The following HTR5A variants were observed in gnomAD, a reference collection of about 807,000 sequenced individuals.
The protein encoded by HTR5A is 5-hydroxytryptamine receptor 5A.
A neutral mutation model predicts 24.3 loss-of-function variants in HTR5A; 21 were observed. That is an observed-to-expected ratio of 0.86 (90% CI 0.61 to 1.24). The LOEUF is 1.24. Among genes scored for constraint, HTR5A ranks in the 50% most tolerant of loss-of-function variants. The pLI is 0.00. For synonymous variants in HTR5A, 260 were observed against 213.7 expected (o/e 1.22, Z -1.89); for missense variants, 497 against 489.5 (o/e 1.02, Z -0.15).
Position 155,084,247 on chromosome 7 carries a change from G to A in HTR5A, c.834G>A (p.Gln278=). 2 of 1,614,200 alleles carry A rather than the reference G, an allele frequency of 1.2e-6. No individual in the cohort carries two copies. The highest frequency in any genetic ancestry group is 1.7e-6 in the Non-Finnish European group (2 of 1,180,030). The change falls in exon 2 of 2, where the codon CAG becomes CAA. Residue 278 remains glutamine (Q), a synonymous_variant. Transcript: ENST00000287907. ...CAGAAGGGGACACGTGGCGGGAGCAGAAGGAGCAGCGGGCCGCCCTCATGG... is the reference window on the plus strand; with the variant it reads ...CAGAAGGGGACACGTGGCGGGAGCAAAAGGAGCAGCGGGCCGCCCTCATGG... ...FQPEGDTWRE[Q]KEQRAALMVG...
rs1563417742 is a variant in HTR5A, at chr7:155,071,088, G to A, written c.189G>A (p.Ala63=). The change falls in exon 1 of 2, where the codon GCG becomes GCA. Residue 63 remains alanine, a synonymous_variant. Transcript: ENST00000287907. ...ATFAWNLLVL[A]TILRVRTFHR... is the part of the protein sequence containing the mutation. ...TCGCCTGGAACCTGCTGGTGCTGGC[G>A]ACCATCCTCCGTGTACGCACCTTCC... 19 of 1,608,056 alleles carry A rather than the reference G, an allele frequency of 1.2e-5. No homozygotes were observed. The highest frequency in any genetic ancestry group is 1.6e-4 in the Middle Eastern group (1 of 6,062).
intron 1 of HTR5A, among the ~76,000 whole-genome samples, chr7:155,079,818 A>G (rs1027591619): frequency 2.6e-5 from 4 of 152,202 alleles, no homozygotes; most frequent in African/African-American, 9.7e-5. Flanking sequence ...AAACAGATGG[A>G]GAAGGGGACA....
intron 1 of HTR5A, among the ~76,000 whole-genome samples, chr7:155,082,910 T>C (rs1372861433): frequency 6.6e-6 from 1 of 152,234 alleles, no homozygotes; most frequent in African/African-American, 2.4e-5. Flanking sequence ...TGGACTATTA[T>C]GGACCATTGG....
At chr7:155,078,751 C>CTTTTTTTTTTT (rs67688182) in intron 1 of HTR5A, among the ~76,000 whole-genome samples, 83 of 139,200 alleles carry the variant, frequency 6.0e-4, no homozygotes, top group Middle Eastern at 3.8e-3. Context: ...TTCTGTGCTT[C>CTTTTTTTTTTT]TTTTTTTTTT....
chr7:155,070,707 C>G lies in HTR5A; in HGVS notation c.-193C>G. On this transcript the variant is annotated 5_prime_UTR_variant, in exon 1 of 2. Coordinates refer to ENST00000287907, the MANE Select transcript of HTR5A (RefSeq NM_024012.4). ...GCCTCTGAGGGCTTCAGACCTGCCGCGCTTGCAGCCACACCATCTCCAACG... is the reference window on the plus strand; with the variant it reads ...GCCTCTGAGGGCTTCAGACCTGCCGGGCTTGCAGCCACACCATCTCCAACG... 1.6e-6 allele frequency: 1 copy of G among 636,394 alleles called. No homozygotes were observed. Among genetic ancestry groups the G allele is most frequent in the Non-Finnish European group, 2.7e-6 (1 of 366,076 alleles). 39.4% of individuals were successfully genotyped at this position (636,394 alleles called of 1,614,324 possible). A position where few individuals can be genotyped will look rare whatever the true frequency, so the allele number is the denominator to read the frequency against.
At chr7:155,078,160 A>T (rs1415197239) in intron 1 of HTR5A, among the ~76,000 whole-genome samples, 1 of 152,232 alleles carries the variant, frequency 6.6e-6, no homozygotes, top group Non-Finnish European at 1.5e-5. Flanking sequence ...CTTTGAGAAC[A>T]GAGGCCCTTT....
chr7:155,086,874 C>T lies in HTR5A; in HGVS notation c.*2387C>T, dbSNP rs1452385087. On this transcript the variant is annotated 3_prime_UTR_variant, in exon 2 of 2. Coordinates refer to ENST00000287907, the MANE Select transcript of HTR5A (RefSeq NM_024012.4). ...TATGAATCATAAACAGAAGTAATTGCTCAAAATAACTAATTGTGTTCCCGT... is the reference window on the plus strand; with the variant it reads ...TATGAATCATAAACAGAAGTAATTGTTCAAAATAACTAATTGTGTTCCCGT... Among the ~76,000 whole-genome samples, 2 of 152,102 alleles carry T rather than the reference C, an allele frequency of 1.3e-5. No homozygotes were observed. Among genetic ancestry groups the T allele is most frequent in the African/African-American group, 4.8e-5 (2 of 41,408 alleles).
chr7:155,074,855 A>G (rs1161628952), intron 1 of HTR5A: 2 of 152,178 alleles, frequency 1.3e-5, no homozygotes, highest in Non-Finnish European at 2.9e-5. Flanking sequence ...GACAAACAAC[A>G]GCAAAAGCAA....
At position 155,070,545 on chromosome 7, in the gene HTR5A, C is replaced by T. The variant is rs1175428757; in HGVS notation, c.-355C>T. On this transcript the variant is annotated 5_prime_UTR_variant, in exon 1 of 2. Transcript: ENST00000287907. Reference sequence around the variant, plus strand: ...CCTGCACCCACACGCTGCTGGCCGCCCAGCTTCTCCCCGATCTGGGAGATG... The same window carrying T: ...CCTGCACCCACACGCTGCTGGCCGCTCAGCTTCTCCCCGATCTGGGAGATG... 1 of 367,366 alleles carries T rather than the reference C, an allele frequency of 2.7e-6. No homozygotes were observed. The highest frequency in any genetic ancestry group is 5.2e-6 in the Non-Finnish European group (1 of 193,238). The allele number at this position is 367,366 out of a possible 1,614,324, so 22.8% of individuals were successfully genotyped here. A position where few individuals can be genotyped will look rare whatever the true frequency, so the allele number is the denominator to read the frequency against.
At chr7:155,073,900 T>TATATAC (rs1795330799) in intron 1 of HTR5A, among the ~76,000 whole-genome samples, 1 of 22,404 alleles carries the variant, frequency 4.5e-5, no homozygotes, top group African/African-American at 6.0e-5. Context: ...TATATATATA[T>TATATAC]ATATATATAT....
intron 1 of HTR5A, among the ~76,000 whole-genome samples, 184 bp from the exon 2 acceptor site, chr7:155,083,971 C>T (rs150728370): frequency 1.3e-3 from 192 of 152,294 alleles, no homozygotes; most frequent in African/African-American, 4.5e-3. Flanking sequence ...AAGCAAACAC[C>T]TCAGCTCTGT....
At chr7:155,075,479 C>T (rs1397425593) in intron 1 of HTR5A, among the ~76,000 whole-genome samples, 2 of 152,178 alleles carry the variant, frequency 1.3e-5, no homozygotes, top group African/African-American at 2.4e-5. Flanking sequence ...TAAGAAGAGA[C>T]TGGAAAATCT....
At chr7:155,081,240 T>A (rs1187458058) in intron 1 of HTR5A, among the ~76,000 whole-genome samples, 1 of 152,182 alleles carries the variant, frequency 6.6e-6, no homozygotes, top group Non-Finnish European at 1.5e-5. Context: ...ACTTCCAAGG[T>A]AAGAGTCTAT....
rs1304638897 is a variant in HTR5A at position 155,084,398 on chromosome 7, TC to T, written c.987del (p.Asn330ThrfsTer7). On this transcript the variant is annotated frameshift_variant, in exon 2 of 2. Coordinates refer to ENST00000287907, the MANE Select transcript of HTR5A (RefSeq NM_024012.4). LOFTEE classifies it high-confidence loss of function. ...AAGCATCTTCCTGTGGCTTGGCTAC[TC>T]CAACTCCTTCTTTAACCCCCTGATC... is the stretch of plus-strand genomic sequence containing the variant. ...WKSIFLWLGY[S>X]NSFFNPLIYT... 1 of 1,614,062 alleles carries T rather than the reference TC, an allele frequency of 6.2e-7. No individual in the cohort carries two copies. Among genetic ancestry groups the T allele is most frequent in the Non-Finnish European group, 8.5e-7 (1 of 1,180,048 alleles).
chr7:155,083,057 G>A (rs377683338), intron 1 of HTR5A, among the ~76,000 whole-genome samples: 2 of 152,064 alleles, frequency 1.3e-5, no homozygotes, highest in African/African-American at 2.4e-5. Context: ...CTTAACCATA[G>A]TGTTCCTATT....
At chr7:155,080,339 A>G (rs6953589) in intron 1 of HTR5A, among the ~76,000 whole-genome samples, 4,138 of 152,326 alleles carry the variant, frequency 0.027, 173 homozygotes, top group African/African-American at 0.094. Context: ...TTGCGAACTT[A>G]TCCAAGGACA....
At chr7:155,083,277 G>A (rs1264402820) in intron 1 of HTR5A, among the ~76,000 whole-genome samples, 1 of 152,138 alleles carries the variant, frequency 6.6e-6, no homozygotes, top group Admixed American at 6.5e-5. Flanking sequence ...TAATGTTAAT[G>A]CAGTCTCACT....
chr7:155,078,751 C>CTTTTTTTTTTTTTTTTTTTTTTT (rs67688182), intron 1 of HTR5A, among the ~76,000 whole-genome samples: 1 of 139,196 alleles, frequency 7.2e-6, no homozygotes, highest in Non-Finnish European at 1.5e-5. Flanking sequence ...TTCTGTGCTT[C>CTTTTTTTTTTTTTTTTTTTTTTT]TTTTTTTTTT....
intron 1 of HTR5A, among the ~76,000 whole-genome samples, chr7:155,083,386 C>T (rs1377572241): frequency 6.6e-6 from 1 of 152,136 alleles, no homozygotes; most frequent in Non-Finnish European, 1.5e-5. Context: ...TTTAGGCTGC[C>T]TCATCAGTAG....
Sources: allele counts gnomAD v4.1 joint callset (sites outside exome capture counted in the v4.1 genomes callset), GRCh38; gene constraint gnomAD v4.1.1; transcripts MANE v1.5; gene names NCBI Gene and HGNC (gene_info 2026-07-23, HGNC 2026-07-21).